Variants in TMTC1 observed in about 807,000 individuals in gnomAD.
TMTC1 encodes the protein protein O-mannosyl-transferase TMTC1.
Under a neutral mutation model 104.8 loss-of-function variants are expected in TMTC1, and 73 were observed. That is an observed-to-expected ratio of 0.70 (90% CI 0.58 to 0.85). TMTC1 has a LOEUF of 0.85. TMTC1 is among the 40% of genes least tolerant of loss of function. The pLI, the probability that TMTC1 is intolerant of heterozygous loss-of-function variation, is 0.00. For synonymous variants in TMTC1, 434 were observed against 428.7 expected (o/e 1.01, Z -0.15); for missense variants, 1,035 against 1,096.1 (o/e 0.94, Z 0.79).
chr12:29,728,392 G>A (rs1942457708), intron 5 of TMTC1, among the ~76,000 whole-genome samples: 1 of 152,114 alleles, frequency 6.6e-6, no homozygotes, highest in South Asian at 2.1e-4. Context: ...CCAAGGAAAC[G>A]CCAATGGCAG....
chr12:29,684,273 T>C (rs1941021112), intron 5 of TMTC1, among the ~76,000 whole-genome samples: 1 of 152,174 alleles, frequency 6.6e-6, no homozygotes, highest in Non-Finnish European at 1.5e-5. Context: ...TTATTGATAA[T>C]GACAAGAGAA....
At chr12:29,621,539 C>T (rs756861389) in intron 6 of TMTC1, among the ~76,000 whole-genome samples, 5 of 152,180 alleles carry the variant, frequency 3.3e-5, no homozygotes, top group Non-Finnish European at 5.9e-5. Flanking sequence ...TTGGTCTATC[C>T]TACCGTATTG....
chr12:29,683,746 G>A (rs558033417), intron 5 of TMTC1, among the ~76,000 whole-genome samples: 254 of 152,274 alleles, frequency 1.7e-3, no homozygotes, highest in African/African-American at 5.9e-3. Context: ...AGCAAAGCTT[G>A]CAAATAGACT....
intron 17 of TMTC1, among the ~76,000 whole-genome samples, chr12:29,510,765 G>A (rs56753618): frequency 0.016 from 2,453 of 152,230 alleles, 52 homozygotes; most frequent in African/African-American, 0.055. Flanking sequence ...AGTTAGCTAA[G>A]CAAGGGTGGT....
chr12:29,685,187 A>G (rs987270647), intron 5 of TMTC1, among the ~76,000 whole-genome samples: 1 of 152,110 alleles, frequency 6.6e-6, no homozygotes, highest in Admixed American at 6.6e-5. Context: ...CAGCAGCAAA[A>G]TAAATTAACC....
intron 8 of TMTC1, among the ~76,000 whole-genome samples, chr12:29,573,064 G>C (rs1252341526): frequency 6.6e-6 from 1 of 151,918 alleles, no homozygotes; most frequent in Non-Finnish European, 1.5e-5. Context: ...ACTCTCTCTC[G>C]CTCCCCTCGC....
intron 3 of TMTC1, among the ~76,000 whole-genome samples, chr12:29,757,957 G>A (rs1198087984): frequency 6.6e-6 from 1 of 152,164 alleles, no homozygotes; most frequent in Admixed American, 6.5e-5. Context: ...CATGGAAATT[G>A]TGGGAGTTAC....
chr12:29,755,778 G>C lies in TMTC1; in HGVS notation c.662C>G (p.Thr221Arg). 6.2e-7 allele frequency: 1 copy of C among 1,614,176 alleles called. No individual in the cohort carries two copies. The highest frequency in any genetic ancestry group is 1.1e-5 in the South Asian group (1 of 91,088). ...GCACACTCCAAACACCGTGATGCCTGTCTCTTTCACCAGCATCGCACAGGT... is the reference window on the plus strand; with the variant it reads ...GCACACTCCAAACACCGTGATGCCTCTCTCTTTCACCAGCATCGCACAGGT... ...LGTCAMLVKE[T>R]GITVFGVCLV... Residue 221 changes from threonine (T) to arginine (R), a missense_variant, in exon 4 of 18, where the codon ACA (threonine) becomes AGA (arginine). Thr to Arg is a moderately conservative substitution (Grantham distance 71). Coordinates refer to ENST00000539277, the MANE Select transcript of TMTC1 (RefSeq NM_001193451.2).
chr12:29,744,926 CT>C (rs201940486), intron 5 of TMTC1, among the ~76,000 whole-genome samples: 25 of 149,528 alleles, frequency 1.7e-4, no homozygotes, highest in Middle Eastern at 6.8e-3. Context: ...TTGTACTTAA[CT>C]TTTTTTTTTC....
intron 6 of TMTC1, among the ~76,000 whole-genome samples, chr12:29,604,709 T>C (rs902375163): frequency 1.3e-5 from 2 of 152,176 alleles, no homozygotes; most frequent in African/African-American, 4.8e-5. Flanking sequence ...AATTTAATTA[T>C]ATCTTCCCAA....
intron 5 of TMTC1, among the ~76,000 whole-genome samples, chr12:29,634,556 G>A (rs1180646111): frequency 6.6e-6 from 1 of 152,204 alleles, no homozygotes; most frequent in Non-Finnish European, 1.5e-5. Flanking sequence ...TTCCCCTACT[G>A]TCAGTAGTGA....
chr12:29,533,923 G>A (rs1463312588), intron 11 of TMTC1: 1 of 152,168 alleles, frequency 6.6e-6, no homozygotes, highest in African/African-American at 2.4e-5. Flanking sequence ...CTGAGTGTAG[G>A]AAAGAGCTTT....
At chr12:29,562,460 G>A (rs1299081915) in intron 9 of TMTC1, among the ~76,000 whole-genome samples, 2 of 152,202 alleles carry the variant, frequency 1.3e-5, no homozygotes, top group Non-Finnish European at 2.9e-5. Flanking sequence ...TGATTCCTGA[G>A]AATTTACTGC....
At chr12:29,657,912 C>T (rs987923759) in intron 5 of TMTC1, among the ~76,000 whole-genome samples, 1 of 152,004 alleles carries the variant, frequency 6.6e-6, no homozygotes, top group African/African-American at 2.4e-5. Context: ...TTGAGGCCAG[C>T]CTGGCCAACA....
At chr12:29,706,822 T>C (rs1418302951) in intron 5 of TMTC1, among the ~76,000 whole-genome samples, 1 of 151,990 alleles carries the variant, frequency 6.6e-6, no homozygotes, top group Non-Finnish European at 1.5e-5. Context: ...AGAACACCAT[T>C]TTGTTGGGGG....
At chr12:29,589,621 T>C (rs1946228254) in intron 7 of TMTC1, among the ~76,000 whole-genome samples, 1 of 152,070 alleles carries the variant, frequency 6.6e-6, no homozygotes, top group African/African-American at 2.4e-5. Context: ...TGCCATCTGG[T>C]AGAACAAAGG....
chr12:29,626,899 GA>G (rs1938024467), intron 6 of TMTC1, among the ~76,000 whole-genome samples: 1 of 152,060 alleles, frequency 6.6e-6, no homozygotes, highest in African/African-American at 2.4e-5. Context: ...TCTGGAGTTC[GA>G]GACCAGCCTG....
intron 5 of TMTC1, among the ~76,000 whole-genome samples, chr12:29,640,133 G>C (rs138096223): frequency 3.3e-5 from 5 of 152,264 alleles, no homozygotes; most frequent in African/African-American, 9.6e-5. Flanking sequence ...CCAAACACCC[G>C]ATGAAAGAAG....
intron 7 of TMTC1, among the ~76,000 whole-genome samples, chr12:29,585,957 T>G (rs1034100143): frequency 4.6e-5 from 7 of 152,162 alleles, no homozygotes; most frequent in African/African-American, 1.7e-4. Context: ...TTAAAGGAGT[T>G]TTTTCCAATT....
Sources: allele counts gnomAD v4.1 joint callset (sites outside exome capture counted in the v4.1 genomes callset), GRCh38; gene constraint gnomAD v4.1.1; transcripts MANE v1.5; gene names NCBI Gene and HGNC (gene_info 2026-07-23, HGNC 2026-07-21).